The following PTPN7 variants were observed in gnomAD, a reference collection of about 807,000 sequenced individuals.
The protein encoded by PTPN7 is protein tyrosine phosphatase non-receptor type 7, also known as tyrosine-protein phosphatase non-receptor type 7.
In PTPN7, 33 loss-of-function variants were observed where a neutral mutation model predicts 50.3. The ratio of observed to expected loss-of-function variants is 0.66; its 90% confidence interval spans 0.50 to 0.88. The LOEUF is 0.88. Among genes scored for constraint, PTPN7 ranks in the 40% least tolerant of loss-of-function variants. The pLI, the probability that PTPN7 is intolerant of heterozygous loss-of-function variation, is 0.00. For synonymous variants in PTPN7, 185 were observed against 186.6 expected, an observed-to-expected ratio of 0.99 and a Z score of 0.07; for missense variants, 412 against 475.4, an observed-to-expected ratio of 0.87 and a Z score of 1.24.
chr1:202,157,883 C>T (rs1656863790), intron 3 of PTPN7, 60 bp from the exon 4 acceptor site: 1 of 1,531,452 alleles, frequency 6.5e-7, no homozygotes, highest in Admixed American at 1.7e-5. Context: ...TCTCCTTCTA[C>T]CTTTTTCTAG....
upstream of PTPN7, chr1:202,161,556 T>G: frequency 7.8e-7 from 1 of 1,286,466 alleles, no homozygotes; most frequent in Non-Finnish European, 1.0e-6. Flanking sequence ...GCCCAGCCGG[T>G]TCATGCTCGC....
Position 202,159,689 on chromosome 1 carries a change from G to A in PTPN7, c.-52-235C>T. The A allele has an allele frequency of 7.3e-7, 1 of 1,374,632 alleles. No individual in the cohort carries two copies. The allele number at this position is 1,374,632 out of a possible 1,614,324, so 85.2% of individuals were successfully genotyped here. A position where few individuals can be genotyped will look rare whatever the true frequency, so the allele number is the denominator to read the frequency against. On this transcript the variant is annotated intron_variant, in intron 1 of 9. Coordinates refer to ENST00000691036, the MANE Select transcript of PTPN7 (RefSeq NM_002832.4). The surrounding 1 kb of genome is among the most constrained non-coding windows in gnomAD (Gnocchi z 4.6). ...AGGGTAGAGATTGTGGATGAAGATA[G>A]GAAAGAATCCAGAAGGAGGAAAAGA...
At chr1:202,154,746 T>G (rs1656459913) in intron 5 of PTPN7, among the ~76,000 whole-genome samples, 1 of 152,216 alleles carries the variant, frequency 6.6e-6, no homozygotes, top group Non-Finnish European at 1.5e-5. Context: ...AAACAGTGTT[T>G]AATATTTGTT....
Position 202,159,445 on chromosome 1 carries a change from T to A in PTPN7, c.-43A>T, listed in dbSNP as rs144229111. On this transcript the variant is annotated 5_prime_UTR_variant, in exon 2 of 10. An upstream start codon of the reference 5' UTR is lost. Coordinates refer to ENST00000691036, the MANE Select transcript of PTPN7 (RefSeq NM_002832.4). The surrounding 1 kb of genome is among the most constrained non-coding windows in gnomAD (Gnocchi z 4.6). ...GGCCCAGGGGAGGCTCACTCAGCCA[T>A]GAGGTCTGCCTGAAAGACAGGGCCC... The A allele has an allele frequency of 2.8e-4, 459 of 1,613,432 alleles. 1 individual carries two copies. The highest frequency in any genetic ancestry group is 3.3e-4 in the Middle Eastern group (2 of 6,080).
At chr1:202,157,908 G>T in intron 3 of PTPN7, 85 bp from the exon 4 acceptor site, 1 of 1,451,112 alleles carries the variant, frequency 6.9e-7, no homozygotes, top group Non-Finnish European at 9.6e-7. Context: ...GCTGGACTCT[G>T]GCCATTCCTT....
chr1:202,159,654 G>A lies in PTPN7; in HGVS notation c.-52-200C>T, dbSNP rs779158864. ...GAAGGCAGTCTCGGGGTAGAGTAACGGCAAGATAAAGGGTAGAGATTGTGG... is the reference window on the plus strand; with the variant it reads ...GAAGGCAGTCTCGGGGTAGAGTAACAGCAAGATAAAGGGTAGAGATTGTGG... On this transcript the variant is annotated intron_variant, in intron 1 of 9. Transcript: ENST00000691036. This position sits in a 1 kb window ranked among gnomAD's most constrained non-coding sequence, Gnocchi z 4.6. 4.0e-5 allele frequency: 58 copies of A among 1,444,322 alleles called. No individual in the cohort carries two copies. The highest frequency in any genetic ancestry group is 1.9e-4 in the Middle Eastern group (1 of 5,260). 89.5% of individuals were successfully genotyped at this position (1,444,322 alleles called of 1,614,324 possible). A position where few individuals can be genotyped will look rare whatever the true frequency, so the allele number is the denominator to read the frequency against.
At position 202,159,171 on chromosome 1, in the gene PTPN7, T is replaced by C; in HGVS notation, c.122+110A>G. 1 of 1,071,420 alleles carries C rather than the reference T, an allele frequency of 9.3e-7. No individual in the cohort carries two copies. Among genetic ancestry groups the C allele is most frequent in the Non-Finnish European group, 1.4e-6 (1 of 720,252 alleles). The allele number at this position is 1,071,420 out of a possible 1,614,324, so 66.4% of individuals were successfully genotyped here. A position where few individuals can be genotyped will look rare whatever the true frequency, so the allele number is the denominator to read the frequency against. ...TCCTTTCCAAATTGGAGTCAACAACTGAGGGCCCTCTGGACCCTGCTGTCA... is the reference window on the plus strand; with the variant it reads ...TCCTTTCCAAATTGGAGTCAACAACCGAGGGCCCTCTGGACCCTGCTGTCA... On this transcript the variant is annotated intron_variant, in intron 2 of 9. Coordinates refer to ENST00000691036, the MANE Select transcript of PTPN7 (RefSeq NM_002832.4). This position sits in a 1 kb window ranked among gnomAD's most constrained non-coding sequence, Gnocchi z 4.6.
intron 9 of PTPN7, 122 bp from the exon 10 acceptor site, chr1:202,148,821 C>T: frequency 2.0e-6 from 1 of 503,404 alleles, no homozygotes; most frequent in Non-Finnish European, 3.4e-6. Flanking sequence ...AACATGCCAA[C>T]TCCTTTGCCT....
At chr1:202,151,690 T>C (rs960664932) in intron 8 of PTPN7, among the ~76,000 whole-genome samples, 1 of 151,870 alleles carries the variant, frequency 6.6e-6, no homozygotes, top group African/African-American at 2.4e-5. Context: ...GCTAATTTTG[T>C]ATTTTTAGTA....
In PTPN7 at chr1:202,155,411, T is replaced by A. The variant is rs920368592; in HGVS notation, c.468+122A>T. 4.2e-6 allele frequency: 4 copies of A among 959,824 alleles called. No individual in the cohort carries two copies. The Admixed American group carries it at 8.7e-5, about 21-fold the overall frequency. 59.5% of individuals were successfully genotyped at this position (959,824 alleles called of 1,614,324 possible). ...CAGCTTGGTAGGGCTATGACAGCAG[T>A]GAGCTGGAGCAGGGAGGGTAGGAAA... On this transcript the variant is annotated intron_variant, in intron 5 of 9. Transcript: ENST00000691036.
In PTPN7 at chr1:202,154,285, C is replaced by T; in HGVS notation, c.507G>A (p.Gln169=). 6.2e-7 allele frequency: 1 copy of T among 1,614,066 alleles called. No homozygotes were observed. The highest frequency in any genetic ancestry group is 1.3e-5 in the African/African-American group (1 of 75,044). ...DGKEKVYIAT[Q]GPMPNTVSDF... ...CCGACACAGTGTTGGGCATGGGGCCCTGGGTGGCAATGTAGACCTTCTCCT... is the reference window on the plus strand; with the variant it reads ...CCGACACAGTGTTGGGCATGGGGCCTTGGGTGGCAATGTAGACCTTCTCCT... Residue 169 remains glutamine, a synonymous_variant, in exon 6 of 10, where the codon CAG becomes CAA. Transcript: ENST00000691036.
rs1239834454 is a variant in PTPN7 at position 202,148,711 on chromosome 1, AAC to A, written c.990-14_990-13del. Reference sequence around the variant, plus strand: ...GGATCATCCCCCCTCTGCAAGGAGAAACACACAGACCATGAGTGAAGGAGGGT... The same window carrying A: ...GGATCATCCCCCCTCTGCAAGGAGAAACACAGACCATGAGTGAAGGAGGGT... On this transcript the variant is annotated splice_polypyrimidine_tract_variant and intron_variant, in intron 9 of 9. Transcript: ENST00000691036. The A allele has an allele frequency of 1.9e-6, 3 of 1,612,218 alleles. No homozygotes were observed. The highest frequency in any genetic ancestry group is 1.3e-5 in the African/African-American group (1 of 74,880).
chr1:202,156,134 G>A (rs1656631540), intron 4 of PTPN7, among the ~76,000 whole-genome samples: 1 of 152,124 alleles, frequency 6.6e-6, no homozygotes. Context: ...GAGCAGGAGA[G>A]TGACATGATC....
At chr1:202,149,053 A>C (rs1571732510) in intron 9 of PTPN7, among the ~76,000 whole-genome samples, 1 of 151,992 alleles carries the variant, frequency 6.6e-6, no homozygotes. Context: ...ACAGGGTTTC[A>C]CCATGTTGCC....
At chr1:202,150,476 G>C (rs771240222) in intron 8 of PTPN7, 52 bp from the exon 9 acceptor site, 5 of 1,424,230 alleles carry the variant, frequency 3.5e-6, no homozygotes. Flanking sequence ...CAGGGAATAT[G>C]AGAGCCAGGC....
chr1:202,158,620 G>A (rs1245164965), intron 2 of PTPN7: 5 of 266,586 alleles, frequency 1.9e-5, no homozygotes, highest in Non-Finnish European at 7.1e-6. Context: ...TTCTGCCTTG[G>A]CTTCCCAAAG....
At chr1:202,157,170 C>T (rs1200738847) in intron 4 of PTPN7, among the ~76,000 whole-genome samples, 1 of 152,192 alleles carries the variant, frequency 6.6e-6, no homozygotes, top group African/African-American at 2.4e-5. Flanking sequence ...GTAAAATGGT[C>T]ATCACAGTAC....
chr1:202,159,404 C>G lies in PTPN7; in HGVS notation c.-2G>C. 1 of 1,614,180 alleles carries G rather than the reference C, an allele frequency of 6.2e-7. No individual in the cohort carries two copies. Among genetic ancestry groups the G allele is most frequent in the Non-Finnish European group, 8.5e-7 (1 of 1,180,024 alleles). On this transcript the variant is annotated 5_prime_UTR_variant, in exon 2 of 10. Transcript: ENST00000691036. The surrounding 1 kb of genome is among the most constrained non-coding windows in gnomAD (Gnocchi z 4.6). ...GCGCCCCCCATGGGCTTGGACCATG[C>G]TGAGGTGGGGTGCTGGGCCCAGGGG...
chr1:202,150,785 T>G (rs1324205568), intron 8 of PTPN7, among the ~76,000 whole-genome samples: 1 of 152,136 alleles, frequency 6.6e-6, no homozygotes, highest in East Asian at 1.9e-4. Context: ...CCTCCTTATC[T>G]AACCTTGACT....
Sources: allele counts gnomAD v4.1 joint callset (sites outside exome capture counted in the v4.1 genomes callset), GRCh38; gene constraint gnomAD v4.1.1; non-coding constraint Gnocchi (gnomAD v3.1); transcripts MANE v1.5; gene names NCBI Gene and HGNC (gene_info 2026-07-23, HGNC 2026-07-21).